Variants in TTC29 observed in about 807,000 individuals in gnomAD.
The protein encoded by TTC29 is tetratricopeptide repeat protein 29.
In TTC29, 49 loss-of-function variants were observed where a neutral mutation model predicts 58.1. The ratio of observed to expected loss-of-function variants is 0.84; its 90% confidence interval spans 0.67 to 1.07. The LOEUF (loss-of-function observed/expected upper bound fraction) is 1.07. Ranked by LOEUF, TTC29 falls within the 50% of genes least tolerant of loss-of-function variation. The probability of loss-of-function intolerance (pLI) is 0.00; values close to 1 mark genes in which losing one functional copy is unlikely to be tolerated. For synonymous variants in TTC29, 209 were observed against 196.8 expected (o/e 1.06, Z -0.52); for missense variants, 582 against 555.6 (o/e 1.05, Z -0.48).
rs185257431 is a variant in TTC29 at position 146,874,974 on chromosome 4, G to A, written c.587-46C>T. 7.9e-4 allele frequency: 1,193 copies of A among 1,508,712 alleles called. 4 individuals are homozygous for A. In the African/African-American group the frequency reaches 0.014, roughly 18 times the overall value. The allele number at this position is 1,508,712 out of a possible 1,614,324, so 93.5% of individuals were successfully genotyped here. A position where few individuals can be genotyped will look rare whatever the true frequency, so the allele number is the denominator to read the frequency against. The stretch of plus-strand genomic sequence containing the variant: ...ATAAGTATAAACCAGAGGACGGAAC[G>A]TATTTTCAGAAATTTTGCATACGTT... On this transcript the variant is annotated intron_variant, in intron 6 of 12. Transcript: ENST00000325106.
At chr4:146,730,361 G>A (rs1744234383) in intron 11 of TTC29, among the ~76,000 whole-genome samples, 1 of 152,104 alleles carries the variant, frequency 6.6e-6, no homozygotes, top group Admixed American at 6.6e-5. Context: ...TTAACTATTC[G>A]AGTGGAGATA....
chr4:146,753,480 G>C (rs979929175), intron 11 of TTC29, among the ~76,000 whole-genome samples: 5 of 152,166 alleles, frequency 3.3e-5, no homozygotes, highest in African/African-American at 1.2e-4. Flanking sequence ...CAACCATTGT[G>C]GAATTCGGTG....
chr4:146,937,791 A>G (rs1268726421), intron 3 of TTC29, 114 bp from the exon 4 acceptor site: 1 of 550,340 alleles, frequency 1.8e-6, no homozygotes, highest in Non-Finnish European at 3.1e-6. Flanking sequence ...ACCATATGTA[A>G]TAAACGCAAT....
chr4:146,833,804 A>G lies in TTC29; in HGVS notation c.977+2T>C. The G allele has an allele frequency of 6.2e-7, 1 of 1,610,854 alleles. No individual in the cohort carries two copies. ...CAGCAAGATGAGAATGTGCTAACTT[A>G]CCTCTGCAGGACCTTGGCTATGGCT... On this transcript the variant is annotated splice_donor_variant, in intron 9 of 12. Coordinates refer to ENST00000325106, the MANE Select transcript of TTC29 (RefSeq NM_031956.4). LOFTEE classifies it high-confidence loss of function.
chr4:146,776,610 C>A (rs1748116100), intron 11 of TTC29, among the ~76,000 whole-genome samples: 1 of 152,166 alleles, frequency 6.6e-6, no homozygotes, highest in Non-Finnish European at 1.5e-5. Flanking sequence ...GGACCCCCAA[C>A]TTTGTTCTCT....
At chr4:146,767,406 C>T (rs1747408136) in intron 11 of TTC29, among the ~76,000 whole-genome samples, 1 of 151,878 alleles carries the variant, frequency 6.6e-6, no homozygotes, top group Non-Finnish European at 1.5e-5. Context: ...CTTTCTTCTC[C>T]CCCAAATGAA....
chr4:146,870,279 C>A (rs1730845754), intron 7 of TTC29, among the ~76,000 whole-genome samples: 1 of 151,864 alleles, frequency 6.6e-6, no homozygotes, highest in Non-Finnish European at 1.5e-5. Flanking sequence ...AAGAAGAACA[C>A]AAGGTAAACC....
intron 11 of TTC29, among the ~76,000 whole-genome samples, chr4:146,713,394 A>G (rs1012514717): frequency 3.9e-5 from 6 of 152,182 alleles, no homozygotes; most frequent in African/African-American, 1.2e-4. Flanking sequence ...TCAAAGCCTG[A>G]GATTATAGAG....
At chr4:146,832,814 T>G (rs1315836030) in intron 9 of TTC29, among the ~76,000 whole-genome samples, 2 of 152,182 alleles carry the variant, frequency 1.3e-5, no homozygotes, top group Non-Finnish European at 2.9e-5. Context: ...TATGTCTGTG[T>G]TCCTAAACCA....
intron 8 of TTC29, 140 bp from the exon 9 acceptor site, chr4:146,834,037 G>A: frequency 1.8e-6 from 1 of 545,292 alleles, no homozygotes; most frequent in Non-Finnish European, 3.1e-6. Flanking sequence ...ATTCATGTTG[G>A]TTTGGTTTAT....
chr4:146,934,872 C>A (rs1735651305), intron 4 of TTC29, among the ~76,000 whole-genome samples: 1 of 151,932 alleles, frequency 6.6e-6, no homozygotes, highest in South Asian at 2.1e-4. Context: ...TCATGGGTGA[C>A]CCTAAAGAGG....
intron 6 of TTC29, among the ~76,000 whole-genome samples, chr4:146,885,632 C>A (rs73852732): frequency 0.064 from 9,720 of 151,996 alleles, 1,065 homozygotes; most frequent in African/African-American, 0.22. Context: ...ACTATCTTAA[C>A]ATTTTTAGAA....
intron 6 of TTC29, among the ~76,000 whole-genome samples, chr4:146,876,362 CA>C (rs1345719413): frequency 6.6e-6 from 1 of 152,212 alleles, no homozygotes; most frequent in Non-Finnish European, 1.5e-5. Context: ...ACTCTTCCCA[CA>C]AAAACCAAAA....
At chr4:146,788,480 G>A (rs1199810352) in intron 11 of TTC29, among the ~76,000 whole-genome samples, 1 of 152,158 alleles carries the variant, frequency 6.6e-6, no homozygotes, top group Non-Finnish European at 1.5e-5. Context: ...ATTGGAGCCT[G>A]ATCTTACATG....
At chr4:146,911,278 G>C (rs930242070) in intron 4 of TTC29, among the ~76,000 whole-genome samples, 14 of 152,126 alleles carry the variant, frequency 9.2e-5, no homozygotes, top group Admixed American at 7.9e-4. Context: ...TGGGAGGAGA[G>C]GGCTGATAAG....
At position 146,856,286 on chromosome 4, in the gene TTC29, G is replaced by A. The variant is rs1386591739; in HGVS notation, c.885+11212C>T. 2.0e-5 allele frequency among the ~76,000 whole-genome samples: 3 copies of A among 151,922 alleles called. No individual in the cohort carries two copies. The East Asian group carries it at 5.8e-4, about 29-fold the overall frequency. On this transcript the variant is annotated intron_variant, in intron 8 of 12. Coordinates refer to ENST00000325106, the MANE Select transcript of TTC29 (RefSeq NM_031956.4). The stretch of plus-strand genomic sequence containing the variant: ...TACAAAAACTTCAGCTTTGTAAAGA[G>A]CTACTGTAGCAGTACTTTTTAAAAA...
chr4:146,854,151 C>T (rs555956237), intron 8 of TTC29, among the ~76,000 whole-genome samples: 1 of 152,204 alleles, frequency 6.6e-6, no homozygotes, highest in African/African-American at 2.4e-5. Context: ...TCTTGGCTTC[C>T]TTCTTTTGCC....
At chr4:146,904,253 A>G (rs1173938460) in intron 5 of TTC29, among the ~76,000 whole-genome samples, 1 of 152,182 alleles carries the variant, frequency 6.6e-6, no homozygotes, top group African/African-American at 2.4e-5. Flanking sequence ...TGATGATCAG[A>G]ATGACCCTAT....
intron 11 of TTC29, among the ~76,000 whole-genome samples, chr4:146,754,003 A>G (rs1397738026): frequency 6.6e-6 from 1 of 152,116 alleles, no homozygotes; most frequent in African/African-American, 2.4e-5. Flanking sequence ...ATGCATACAC[A>G]TGTAACAAAC....
Sources: gnomAD v4.1 joint callset for allele counts (sites outside exome capture counted in the v4.1 genomes callset) on GRCh38, gnomAD v4.1.1 for gene constraint, MANE v1.5 for transcripts, NCBI Gene and HGNC (gene_info 2026-07-23, HGNC 2026-07-21) for gene names.